The following TEX14 variants were observed in gnomAD, a reference collection of about 807,000 sequenced individuals.
The protein encoded by TEX14 is testis expressed 14, intercellular bridge forming factor.
In TEX14, 168 loss-of-function variants were observed where a neutral mutation model predicts 178.6. The observed-to-expected ratio is 0.94, with a 90% CI of 0.83 to 1.07. The LOEUF (loss-of-function observed/expected upper bound fraction) is 1.07, where lower values mean the gene tolerates loss of function less well. Ranked by LOEUF, TEX14 falls within the 50% of genes least tolerant of loss-of-function variation. The pLI is 0.00. For synonymous variants in TEX14, 626 were observed against 634.1 expected, an observed-to-expected ratio of 0.99 and a Z score of 0.19; for missense variants, 1,730 against 1,753.6, an observed-to-expected ratio of 0.99 and a Z score of 0.24.
intron 1 of TEX14, among the ~76,000 whole-genome samples, chr17:58,684,078 C>T (rs1335211617): frequency 1.3e-5 from 2 of 151,248 alleles, no homozygotes; most frequent in African/African-American, 2.4e-5. Flanking sequence ...TAAAAGTATA[C>T]GATAAAGGTA....
chr17:58,655,132 C>A (rs1454006479), intron 1 of TEX14, among the ~76,000 whole-genome samples: 3 of 151,142 alleles, frequency 2.0e-5, no homozygotes, highest in Non-Finnish European at 4.4e-5. Context: ...CCTGCCTCCG[C>A]TTCCTGGGTA....
At chr17:58,632,095 T>C (rs1299039352) in intron 2 of TEX14, among the ~76,000 whole-genome samples, 1 of 152,160 alleles carries the variant, frequency 6.6e-6, no homozygotes, top group African/African-American at 2.4e-5. Context: ...CGCCCCATTT[T>C]CCTCCACGCG....
chr17:58,646,402 C>T (rs186094712), intron 2 of TEX14, among the ~76,000 whole-genome samples: 20 of 152,310 alleles, frequency 1.3e-4, no homozygotes, highest in Admixed American at 7.2e-4. Context: ...CTCTCTCCAC[C>T]CCACTGGTTT....
At position 58,659,281 on chromosome 17, in the gene TEX14, CGT is replaced by C. The variant is rs2047054392; in HGVS notation, c.-1-7281_-1-7280del. ...AAAAACACTTTATCAGGACCAACAG[CGT>C]CTCTCCCCCGCCACAAAGACATTAT... is the stretch of plus-strand genomic sequence containing the variant. On this transcript the variant is annotated intron_variant, in intron 1 of 31. Transcript: ENST00000349033. 9.7e-6 allele frequency: 9 copies of C among 928,408 alleles called. No homozygotes were observed. The South Asian group carries it at 4.4e-4, about 46-fold the overall frequency. 57.5% of individuals were successfully genotyped at this position (928,408 alleles called of 1,614,324 possible). A position where few individuals can be genotyped will look rare whatever the true frequency, so the allele number is the denominator to read the frequency against.
At chr17:58,595,036 C>G (rs1330777576) in intron 14 of TEX14, among the ~76,000 whole-genome samples, 1 of 152,114 alleles carries the variant, frequency 6.6e-6, no homozygotes, top group Non-Finnish European at 1.5e-5. Context: ...CACTCCTTAG[C>G]AGAAGCTTAA....
chr17:58,623,080 G>A, intron 3 of TEX14, 68 bp from the exon 4 acceptor site: 1 of 1,458,244 alleles, frequency 6.9e-7, no homozygotes, highest in East Asian at 2.3e-5. Context: ...GCGGGGCTCA[G>A]CGTGCAACAC....
At chr17:58,617,716 T>C (rs1236118995) in intron 5 of TEX14, 97 bp from the exon 6 acceptor site, 3 of 779,022 alleles carry the variant, frequency 3.9e-6, no homozygotes, top group Non-Finnish European at 6.3e-6. Context: ...TAGTTGACTT[T>C]GTCTTTACTG....
intron 11 of TEX14, among the ~76,000 whole-genome samples, chr17:58,603,630 G>A (rs560936827): frequency 2.6e-5 from 4 of 151,406 alleles, no homozygotes; most frequent in Admixed American, 6.6e-5. Context: ...TGAGGTGGGC[G>A]GATCACGAGG....
At chr17:58,609,912 C>A (rs998966528) in intron 10 of TEX14, among the ~76,000 whole-genome samples, 20 of 152,102 alleles carry the variant, frequency 1.3e-4, no homozygotes, top group Non-Finnish European at 8.8e-5. Context: ...GGTGAGAGAC[C>A]AGAAACAAAG....
intron 19 of TEX14, among the ~76,000 whole-genome samples, chr17:58,583,078 C>T (rs1333279585): frequency 6.6e-6 from 1 of 151,868 alleles, no homozygotes; most frequent in Non-Finnish European, 1.5e-5. Context: ...TCAAGCGATC[C>T]TCCTGCCTCA....
intron 26 of TEX14, chr17:58,567,623 T>C (rs1221782261): frequency 6.6e-6 from 1 of 152,092 alleles, no homozygotes; most frequent in Non-Finnish European, 1.5e-5. Context: ...AAGGTCTCTT[T>C]AAGGGAAACA....
rs557738962 is a variant in TEX14, at chr17:58,682,156, C to T, written c.-2+9783G>A. Among the ~76,000 whole-genome samples, 8 of 152,182 alleles carry T rather than the reference C, an allele frequency of 5.3e-5. No individual in the cohort carries two copies. In the South Asian group the frequency reaches 1.7e-3, roughly 32 times the overall value. On this transcript the variant is annotated intron_variant, in intron 1 of 31. Coordinates refer to ENST00000349033, the MANE Select transcript of TEX14 (RefSeq NM_031272.5). Reference sequence around the variant, plus strand: ...TAGAGAGGGAGTTTCACCATGTTGCCCAGGCTGGGCTCAAACTCCTGGGCT... The same window carrying T: ...TAGAGAGGGAGTTTCACCATGTTGCTCAGGCTGGGCTCAAACTCCTGGGCT...
chr17:58,644,126 G>A (rs769308162), intron 2 of TEX14, among the ~76,000 whole-genome samples: 3 of 152,072 alleles, frequency 2.0e-5, no homozygotes, highest in African/African-American at 4.8e-5. Flanking sequence ...AGGGGCTGGA[G>A]ACTGAGTTTA....
chr17:58,673,523 T>A (rs926336374), intron 1 of TEX14, among the ~76,000 whole-genome samples: 4 of 112,960 alleles, frequency 3.5e-5, no homozygotes, highest in African/African-American at 6.9e-5. Flanking sequence ...AAATAAATAA[T>A]TGTATTGTAA....
chr17:58,686,132 C>G (rs964130321), intron 1 of TEX14, among the ~76,000 whole-genome samples: 2 of 151,898 alleles, frequency 1.3e-5, no homozygotes, highest in Non-Finnish European at 2.9e-5. Context: ...GTCCTTGTGA[C>G]CAGGAGTTCA....
chr17:58,630,864 T>C (rs1173761623), intron 2 of TEX14, among the ~76,000 whole-genome samples: 1 of 152,132 alleles, frequency 6.6e-6, no homozygotes, highest in Admixed American at 6.6e-5. Flanking sequence ...GGACTAAAGA[T>C]ACTCTGTGTG....
At chr17:58,655,477 C>T (rs372870421) in intron 1 of TEX14, among the ~76,000 whole-genome samples, 6 of 151,856 alleles carry the variant, frequency 4.0e-5, no homozygotes, top group African/African-American at 1.2e-4. Context: ...CCACCGCACC[C>T]GGCGACTAAT....
intron 1 of TEX14, among the ~76,000 whole-genome samples, chr17:58,668,000 T>G (rs1213331927): frequency 6.6e-6 from 1 of 152,126 alleles, no homozygotes; most frequent in Non-Finnish European, 1.5e-5. Context: ...AAAATCCAGT[T>G]TTAGTAAAGG....
At chr17:58,563,335 G>C in intron 28 of TEX14, among the ~76,000 whole-genome samples, 1 of 151,998 alleles carries the variant, frequency 6.6e-6, no homozygotes, top group East Asian at 1.9e-4. Context: ...AGACTGAATT[G>C]TCTGGAAGAC....
Sources: allele counts gnomAD v4.1 joint callset (sites outside exome capture counted in the v4.1 genomes callset), GRCh38; gene constraint gnomAD v4.1.1; transcripts MANE v1.5; gene names NCBI Gene and HGNC (gene_info 2026-07-23, HGNC 2026-07-21).